RAB20: variants seen among roughly 807,000 people sequenced by gnomAD.
The protein encoded by RAB20 is ras-related protein Rab-20.
In RAB20, 2 loss-of-function variants were observed where a neutral mutation model predicts 3.7. The observed-to-expected ratio is 0.54, with a 90% CI of 0.22 to 1.69. RAB20 has a LOEUF of 1.69. Among genes scored for constraint, RAB20 ranks in the 40% most tolerant of loss-of-function variants. The probability of loss-of-function intolerance (pLI) is 0.19; values close to 1 mark genes in which losing one functional copy is unlikely to be tolerated. For missense variants in RAB20, 276 were observed against 311.9 expected (o/e 0.88, Z 0.87); for synonymous variants, 126 against 130.8 (o/e 0.96, Z 0.25).
intron 1 of RAB20, among the ~76,000 whole-genome samples, chr13:110,540,243 T>A (rs963984151): frequency 1.3e-5 from 2 of 152,222 alleles, no homozygotes; most frequent in African/African-American, 4.8e-5. Flanking sequence ...GCATATGTAA[T>A]CCAATCTCCT....
chr13:110,527,900 T>TACACACACACACACACACACACAC (rs61582404), intron 1 of RAB20, among the ~76,000 whole-genome samples: 7 of 138,216 alleles, frequency 5.1e-5, no homozygotes, highest in East Asian at 2.2e-4. Context: ...TCTCTACAAA[T>TACACACACACACACACACACACAC]ACACACACAC....
At position 110,561,346 on chromosome 13, in the gene RAB20, A is replaced by G; in HGVS notation, c.172+2T>C. On this transcript the variant is annotated splice_donor_variant, in intron 1 of 1. Transcript: ENST00000267328. LOFTEE classifies it high-confidence loss of function. Reference sequence around the variant, plus strand: ...GTGTGGCTCATGCGGCGCCGGCCTCACCTGCGGTGTCCCAGATGGAGATGT... The same window carrying G: ...GTGTGGCTCATGCGGCGCCGGCCTCGCCTGCGGTGTCCCAGATGGAGATGT... 6.3e-7 allele frequency: 1 copy of G among 1,597,878 alleles called. No homozygotes were observed. The highest frequency in any genetic ancestry group is 8.5e-7 in the Non-Finnish European group (1 of 1,172,974).
chr13:110,541,021 T>G (rs1884751206), intron 1 of RAB20, among the ~76,000 whole-genome samples: 1 of 152,182 alleles, frequency 6.6e-6, no homozygotes, highest in Non-Finnish European at 1.5e-5. Flanking sequence ...GAGGCCTGGC[T>G]GGGTCCTGGG....
chr13:110,557,825 G>A (rs776062762), intron 1 of RAB20, among the ~76,000 whole-genome samples: 11 of 152,362 alleles, frequency 7.2e-5, no homozygotes, highest in African/African-American at 9.6e-5. Context: ...GCCAGGCCAC[G>A]GCCTTTAGAA....
intron 1 of RAB20, among the ~76,000 whole-genome samples, chr13:110,546,639 A>G (rs1157693506): frequency 6.6e-6 from 1 of 151,550 alleles, no homozygotes; most frequent in Non-Finnish European, 1.5e-5. Context: ...GCTGGGTGAC[A>G]CCCAGGCTCA....
At chr13:110,557,605 TC>T (rs1885060367) in intron 1 of RAB20, among the ~76,000 whole-genome samples, 1 of 152,204 alleles carries the variant, frequency 6.6e-6, no homozygotes, top group African/African-American at 2.4e-5. Flanking sequence ...GGCTTCAGGC[TC>T]CCACAGACGT....
At chr13:110,557,067 G>A (rs1000857306) in intron 1 of RAB20, among the ~76,000 whole-genome samples, 2 of 152,194 alleles carry the variant, frequency 1.3e-5, no homozygotes, top group South Asian at 2.1e-4. Context: ...AGAAGGAAGC[G>A]AGAAGCATAG....
At chr13:110,542,492 C>G (rs1312757515) in intron 1 of RAB20, among the ~76,000 whole-genome samples, 1 of 152,164 alleles carries the variant, frequency 6.6e-6, no homozygotes, top group Non-Finnish European at 1.5e-5. Flanking sequence ...CCTCTCCCCA[C>G]CCACCTGCCA....
intron 1 of RAB20, 89 bp downstream of exon 1, chr13:110,561,259 T>A: frequency 1.4e-6 from 2 of 1,419,156 alleles, no homozygotes; most frequent in Non-Finnish European, 1.8e-6. Flanking sequence ...CGGGACCCTG[T>A]GCGCGGCCGG....
chr13:110,536,871 C>T (rs528984709), intron 1 of RAB20, among the ~76,000 whole-genome samples: 2 of 151,380 alleles, frequency 1.3e-5, no homozygotes, highest in East Asian at 3.9e-4. Flanking sequence ...TGTTGGTGTG[C>T]TGCACCCATT....
At chr13:110,537,433 G>C (rs996921834) in intron 1 of RAB20, among the ~76,000 whole-genome samples, 2 of 152,082 alleles carry the variant, frequency 1.3e-5, no homozygotes, top group East Asian at 3.9e-4. Context: ...TGAGAAGAAA[G>C]AGGCAGTAAC....
chr13:110,557,492 T>C (rs1443986307), intron 1 of RAB20, among the ~76,000 whole-genome samples: 1 of 152,184 alleles, frequency 6.6e-6, no homozygotes, highest in Non-Finnish European at 1.5e-5. Flanking sequence ...TGTGGCCACA[T>C]AACCTTCTGC....
At chr13:110,537,506 C>T (rs1382620371) in intron 1 of RAB20, among the ~76,000 whole-genome samples, 1 of 151,776 alleles carries the variant, frequency 6.6e-6, no homozygotes, top group East Asian at 1.9e-4. Flanking sequence ...ATCAATTGTC[C>T]GCACCTTGAA....
chr13:110,539,475 G>A (rs543786614), intron 1 of RAB20, among the ~76,000 whole-genome samples: 17 of 152,156 alleles, frequency 1.1e-4, no homozygotes, highest in Middle Eastern at 6.8e-3. Context: ...ATATGAGGCA[G>A]AGGAGAATTA....
chr13:110,555,052 C>G lies in RAB20; in HGVS notation c.172+6296G>C, dbSNP rs904423201. Among the ~76,000 whole-genome samples the G allele has an allele frequency of 1.3e-5, 2 of 152,128 alleles. No homozygotes were observed. The highest frequency in any genetic ancestry group is 4.8e-5 in the African/African-American group (2 of 41,428). On this transcript the variant is annotated intron_variant, in intron 1 of 1. Transcript: ENST00000267328. The surrounding 1 kb of genome is among the most constrained non-coding windows in gnomAD (Gnocchi z 4.0). ...CCTCTGTAAGATGCTGCTTCCCAGT[C>G]TGTAGGACGGCAACGTTGACGCCTC... is the stretch of plus-strand genomic sequence containing the variant.
At chr13:110,558,999 T>C (rs2139592823) in intron 1 of RAB20, among the ~76,000 whole-genome samples, 1 of 152,244 alleles carries the variant, frequency 6.6e-6, no homozygotes, top group African/African-American at 2.4e-5. Context: ...CCTGGCCCCA[T>C]CTTTAACATG....
chr13:110,537,550 G>C (rs920296578), intron 1 of RAB20, among the ~76,000 whole-genome samples: 2 of 151,920 alleles, frequency 1.3e-5, no homozygotes, highest in Non-Finnish European at 2.9e-5. Flanking sequence ...AAAGAGGAAA[G>C]TGTCTCATCA....
chr13:110,558,700 T>G (rs1306587428), intron 1 of RAB20, among the ~76,000 whole-genome samples: 1 of 137,012 alleles, frequency 7.3e-6, no homozygotes, highest in Non-Finnish European at 1.6e-5. Context: ...ATCTGTTTTT[T>G]TTTTTTTTTT....
In RAB20 at chr13:110,561,406, G is replaced by C; in HGVS notation, c.114C>G (p.Gly38=). 1.9e-6 allele frequency: 3 copies of C among 1,609,730 alleles called. No individual in the cohort carries two copies. The highest frequency in any genetic ancestry group is 2.5e-6 in the Non-Finnish European group (3 of 1,178,104). ...GCCACTGCTTCAGGTAGAAGGCGCCGCCCACCGTGCTGACCGTGTCCGGGA... is the reference window on the plus strand; with the variant it reads ...GCCACTGCTTCAGGTAGAAGGCGCCCCCCACCGTGCTGACCGTGTCCGGGA... ...RRFPDTVSTV[G]GAFYLKQWRS... The change falls in exon 1 of 2, where the codon GGC becomes GGG. Residue 38 remains glycine, a synonymous_variant. Coordinates refer to ENST00000267328, the MANE Select transcript of RAB20 (RefSeq NM_017817.3).
Sources: gnomAD v4.1 joint callset for allele counts (sites outside exome capture counted in the v4.1 genomes callset) on GRCh38, gnomAD v4.1.1 for gene constraint, Gnocchi (gnomAD v3.1) non-coding constraint, MANE v1.5 for transcripts, NCBI Gene and HGNC (gene_info 2026-07-23, HGNC 2026-07-21) for gene names.